BCKDHB: variants seen among roughly 807,000 people sequenced by gnomAD.
BCKDHB encodes the protein branched chain keto acid dehydrogenase E1 subunit beta.
In BCKDHB, 41 loss-of-function variants were observed where a neutral mutation model predicts 48.5. That is an observed-to-expected ratio of 0.85 (90% CI 0.66 to 1.10). The LOEUF (loss-of-function observed/expected upper bound fraction) is 1.10. Ranked by LOEUF, BCKDHB falls within the 50% of genes least tolerant of loss-of-function variation. The probability of loss-of-function intolerance (pLI) is 0.00; values close to 1 mark genes in which losing one functional copy is unlikely to be tolerated. For synonymous variants in BCKDHB, 201 were observed against 174.8 expected (o/e 1.15, Z -1.18); for missense variants, 496 against 494.2 (o/e 1.00, Z -0.03).
chr6:80,149,984 T>TA (rs11448111), intron 3 of BCKDHB, among the ~76,000 whole-genome samples: 93,399 of 150,662 alleles, frequency 0.62, 29,153 homozygotes, highest in South Asian at 0.76. Context: ...ATAATAATAA[T>TA]AAAAAAAAAT....
At chr6:80,239,625 T>A (rs1776295945) in intron 8 of BCKDHB, among the ~76,000 whole-genome samples, 1 of 152,218 alleles carries the variant, frequency 6.6e-6, no homozygotes, top group South Asian at 2.1e-4. Context: ...CATTTGACAA[T>A]TTTGGCTTTT....
At chr6:80,209,945 T>C (rs566562929) in intron 8 of BCKDHB, among the ~76,000 whole-genome samples, 1 of 151,914 alleles carries the variant, frequency 6.6e-6, no homozygotes, top group Admixed American at 6.6e-5. Flanking sequence ...CAATATCCAA[T>C]AGAAATATGG....
intron 6 of BCKDHB, among the ~76,000 whole-genome samples, chr6:80,174,764 A>G (rs906264052): frequency 1.3e-5 from 2 of 152,188 alleles, no homozygotes; most frequent in Admixed American, 1.3e-4. Flanking sequence ...GATGGGAGAT[A>G]AAGTACAGAG....
chr6:80,411,282 A>G, the BCKDHB span, among the ~76,000 whole-genome samples: 1 of 152,160 alleles, frequency 6.6e-6, no homozygotes. Context: ...AGGCTGCAGA[A>G]CAGCAAGTAT....
the BCKDHB span, among the ~76,000 whole-genome samples, chr6:80,385,468 C>T: frequency 7.9e-5 from 12 of 152,266 alleles, no homozygotes; most frequent in African/African-American, 2.6e-4. Flanking sequence ...AGTTTGTAAA[C>T]TCTAATGAAC....
intron 8 of BCKDHB, among the ~76,000 whole-genome samples, chr6:80,260,137 C>T (rs1021583024): frequency 3.9e-5 from 6 of 152,154 alleles, no homozygotes; most frequent in African/African-American, 1.4e-4. Context: ...ACCACTCTCA[C>T]CGCTAGTTGC....
At chr6:80,126,473 G>T (rs1462844460) in intron 1 of BCKDHB, among the ~76,000 whole-genome samples, 1 of 152,148 alleles carries the variant, frequency 6.6e-6, no homozygotes, top group Non-Finnish European at 1.5e-5. Flanking sequence ...ATTAGATCTT[G>T]ACTGTTGGGA....
the BCKDHB span, among the ~76,000 whole-genome samples, chr6:80,451,005 C>T: frequency 2.4e-3 from 369 of 152,200 alleles, 4 homozygotes; most frequent in Non-Finnish European, 3.7e-3. Context: ...CAACTAAAGA[C>T]GTCATGAGGA....
At chr6:80,224,149 G>A (rs1775579483) in intron 8 of BCKDHB, among the ~76,000 whole-genome samples, 1 of 152,042 alleles carries the variant, frequency 6.6e-6, no homozygotes, top group South Asian at 2.1e-4. Context: ...TAGATACAGG[G>A]TAACTCATAT....
chr6:80,400,210 CA>C, the BCKDHB span, among the ~76,000 whole-genome samples: 1 of 152,034 alleles, frequency 6.6e-6, no homozygotes, highest in African/African-American at 2.4e-5. Context: ...GCAATTGCGA[CA>C]AAACCCAAAA....
chr6:80,403,377 T>C, the BCKDHB span, among the ~76,000 whole-genome samples: 2 of 151,900 alleles, frequency 1.3e-5, no homozygotes, highest in Non-Finnish European at 2.9e-5. Context: ...TTAATTTCTT[T>C]TTCAGATAGT....
intron 8 of BCKDHB, among the ~76,000 whole-genome samples, chr6:80,266,408 G>C (rs1324120): frequency 0.38 from 57,128 of 151,796 alleles, 12,314 homozygotes; most frequent in East Asian, 0.56. Context: ...GGGAAATGGG[G>C]CAAAAAACTT....
chr6:80,126,253 G>A (rs2127724738), intron 1 of BCKDHB, among the ~76,000 whole-genome samples: 1 of 152,268 alleles, frequency 6.6e-6, no homozygotes, highest in Non-Finnish European at 1.5e-5. Flanking sequence ...AAGGATCAGA[G>A]AGACATTAGA....
chr6:80,132,585 A>G (rs1424222311), intron 3 of BCKDHB, among the ~76,000 whole-genome samples: 1 of 152,198 alleles, frequency 6.6e-6, no homozygotes, highest in Non-Finnish European at 1.5e-5. Flanking sequence ...CAGTGCTCTT[A>G]GAGGGTACCT....
intron 1 of BCKDHB, among the ~76,000 whole-genome samples, chr6:80,114,425 T>C (rs1488720273): frequency 6.6e-6 from 1 of 151,762 alleles, no homozygotes; most frequent in Non-Finnish European, 1.5e-5. Flanking sequence ...TTTTTTGTAG[T>C]TTTTGTAGAG....
the BCKDHB span, among the ~76,000 whole-genome samples, chr6:80,434,472 TTC>T: frequency 6.6e-6 from 1 of 152,044 alleles, no homozygotes; most frequent in Non-Finnish European, 1.5e-5. Context: ...TTATTGATTT[TTC>T]TGTTTATTAA....
At chr6:80,211,117 C>A (rs1359170801) in intron 8 of BCKDHB, among the ~76,000 whole-genome samples, 1 of 152,034 alleles carries the variant, frequency 6.6e-6, no homozygotes, top group Non-Finnish European at 1.5e-5. Context: ...AATCTAGAAT[C>A]AACTACATAA....
At chr6:80,284,879 A>G (rs1249462664) in intron 9 of BCKDHB, among the ~76,000 whole-genome samples, 1 of 152,142 alleles carries the variant, frequency 6.6e-6, no homozygotes, top group Non-Finnish European at 1.5e-5. Context: ...GGCTTCAAAA[A>G]GCAGTAGCAT....
At chr6:80,455,832 G>A in the BCKDHB span, among the ~76,000 whole-genome samples, 2 of 152,070 alleles carry the variant, frequency 1.3e-5, no homozygotes, top group African/African-American at 4.8e-5. Context: ...AAAGTAGCAG[G>A]TCAAGAAGGC....
Sources: allele counts gnomAD v4.1 joint callset (sites outside exome capture counted in the v4.1 genomes callset), GRCh38; gene constraint gnomAD v4.1.1; transcripts MANE v1.5; gene names NCBI Gene and HGNC (gene_info 2026-07-23, HGNC 2026-07-21).